DHRSX: variants seen among roughly 807,000 people sequenced by gnomAD.
DHRSX encodes the protein dehydrogenase/reductase X-linked.
Under a neutral mutation model 34.0 loss-of-function variants are expected in DHRSX, and 31 were observed. That is an observed-to-expected ratio of 0.91 (90% CI 0.69 to 1.23). DHRSX has a LOEUF of 1.23. Among genes scored for constraint, DHRSX ranks in the 50% most tolerant of loss-of-function variants. The pLI is 0.00. For synonymous variants in DHRSX, 201 were observed against 183.8 expected (o/e 1.09, Z -0.76); for missense variants, 414 against 428.1 (o/e 0.97, Z 0.29).
intron 3 of DHRSX, among the ~76,000 whole-genome samples, chrX:2,355,250 A>C (rs1166811970): frequency 6.6e-6 from 1 of 152,178 alleles, no homozygotes; most frequent in Non-Finnish European, 1.5e-5. Flanking sequence ...AATGGCTCGC[A>C]CCTGGAATCC....
chrX:2,318,542 C>T (rs73187629), intron 3 of DHRSX, among the ~76,000 whole-genome samples: 22 of 152,030 alleles, frequency 1.4e-4, no homozygotes, highest in African/African-American at 4.8e-4. Context: ...GTTCATTATA[C>T]GCTAACTCTA....
chrX:2,411,516 C>G (rs2043628144), intron 2 of DHRSX, among the ~76,000 whole-genome samples: 1 of 147,624 alleles, frequency 6.8e-6, no homozygotes, highest in Non-Finnish European at 1.5e-5. Context: ...GATCACACCA[C>G]TGCACTCCAG....
chrX:2,282,639 G>GGAGA (rs1249774009), intron 4 of DHRSX, among the ~76,000 whole-genome samples: 1 of 109,934 alleles, frequency 9.1e-6, no homozygotes, highest in Non-Finnish European at 2.2e-5. Context: ...GAAGGGAAAG[G>GGAGA]GAGGGAGAGA....
At chrX:2,331,297 C>A (rs1443706403) in intron 3 of DHRSX, among the ~76,000 whole-genome samples, 1 of 152,026 alleles carries the variant, frequency 6.6e-6, no homozygotes, top group Admixed American at 6.6e-5. Flanking sequence ...AAGTCTTGAA[C>A]CCCCTCAATG....
intron 3 of DHRSX, among the ~76,000 whole-genome samples, chrX:2,339,343 TG>T (rs2042611672): frequency 1.3e-5 from 2 of 151,956 alleles, no homozygotes; most frequent in Admixed American, 1.3e-4. Context: ...TTCACCATGT[TG>T]GCCAGGCTGG....
chrX:2,236,914 T>C (rs1280988020), intron 6 of DHRSX, among the ~76,000 whole-genome samples: 1 of 148,384 alleles, frequency 6.7e-6, no homozygotes. Flanking sequence ...GGGGGCTGGG[T>C]AGGGTGTCTC....
intron 3 of DHRSX, among the ~76,000 whole-genome samples, chrX:2,314,239 G>GA (rs2042201475): frequency 4.3e-5 from 1 of 23,396 alleles, no homozygotes; most frequent in Non-Finnish European, 1.0e-4. Flanking sequence ...GGGAGGGAGG[G>GA]AAGGAAGGGA....
At chrX:2,467,022 G>A (rs1171957144) in intron 1 of DHRSX, among the ~76,000 whole-genome samples, 4 of 145,912 alleles carry the variant, frequency 2.7e-5, no homozygotes, top group African/African-American at 1.0e-4. Context: ...CCGAGATCGC[G>A]CCATTGCACT....
At chrX:2,409,116 A>T (rs1192582238) in intron 2 of DHRSX, among the ~76,000 whole-genome samples, 1 of 152,210 alleles carries the variant, frequency 6.6e-6, no homozygotes, top group Non-Finnish European at 1.5e-5. Flanking sequence ...GAGAGCTGAG[A>T]ATAGCATAAG....
At chrX:2,324,695 A>G (rs2042355467) in intron 3 of DHRSX, among the ~76,000 whole-genome samples, 1 of 151,986 alleles carries the variant, frequency 6.6e-6, no homozygotes, top group African/African-American at 2.4e-5. Context: ...TCTGCCAGTG[A>G]TACAGGAGTT....
Position 2,433,206 on chromosome X carries a change from A to G in DHRSX, c.110-7902T>C, listed in dbSNP as rs752173083. Among the ~76,000 whole-genome samples, 4 of 152,322 alleles carry G rather than the reference A, an allele frequency of 2.6e-5. No homozygotes were observed. In the East Asian group the frequency reaches 7.7e-4, roughly 29 times the overall value. On this transcript the variant is annotated intron_variant, in intron 1 of 6. Coordinates refer to ENST00000334651, the MANE Select transcript of DHRSX (RefSeq NM_145177.3). ...AGCTGGAAGAAAATTTGCAACTTCCATCAGAAATATTAACAGCTATTTTTC... is the reference window on the plus strand; with the variant it reads ...AGCTGGAAGAAAATTTGCAACTTCCGTCAGAAATATTAACAGCTATTTTTC...
chrX:2,319,228 T>A (rs1175398618), intron 3 of DHRSX, among the ~76,000 whole-genome samples: 9 of 25,212 alleles, frequency 3.6e-4, no homozygotes, highest in African/African-American at 1.4e-3. Flanking sequence ...CCCCCCTCCC[T>A]TCTCCTCCTC....
chrX:2,328,059 G>A (rs112610177), intron 3 of DHRSX, among the ~76,000 whole-genome samples: 4,505 of 130,280 alleles, frequency 0.035, 238 homozygotes, highest in African/African-American at 0.12. Context: ...CAGCCTGGGC[G>A]ACAGAGCGAG....
chrX:2,232,739 A>T (rs1045294457), intron 6 of DHRSX, among the ~76,000 whole-genome samples: 1 of 151,706 alleles, frequency 6.6e-6, no homozygotes, highest in African/African-American at 2.4e-5. Flanking sequence ...CATCCAGCTA[A>T]TTTTTTGTAT....
chrX:2,412,826 G>T (rs2043648580), intron 2 of DHRSX, among the ~76,000 whole-genome samples: 1 of 152,118 alleles, frequency 6.6e-6, no homozygotes, highest in African/African-American at 2.4e-5. Flanking sequence ...AGTAAAATAA[G>T]CCACATAAAA....
intron 1 of DHRSX, among the ~76,000 whole-genome samples, chrX:2,441,716 C>G (rs1212652912): frequency 6.6e-6 from 1 of 152,104 alleles, no homozygotes; most frequent in Non-Finnish European, 1.5e-5. Flanking sequence ...CGGCTTCACT[C>G]AAAGTCTACT....
intron 3 of DHRSX, among the ~76,000 whole-genome samples, chrX:2,379,604 T>TTG (rs2043180890): frequency 6.7e-6 from 1 of 149,346 alleles, no homozygotes; most frequent in African/African-American, 2.5e-5. Flanking sequence ...GGTTTTTTTT[T>TTG]TTTTTTTTTT....
chrX:2,397,260 G>A (rs2043423563), intron 3 of DHRSX, among the ~76,000 whole-genome samples: 2 of 152,032 alleles, frequency 1.3e-5, no homozygotes, highest in African/African-American at 4.8e-5. Context: ...TCTGCCTCCC[G>A]AGTAGCTGGG....
intron 1 of DHRSX, among the ~76,000 whole-genome samples, chrX:2,468,105 G>A (rs6567551): frequency 9.2e-5 from 14 of 152,008 alleles, no homozygotes; most frequent in African/African-American, 3.4e-4. Flanking sequence ...AAGTCTACAC[G>A]AATATAAAGA....
Sources: gnomAD v4.1 joint callset for allele counts (sites outside exome capture counted in the v4.1 genomes callset) on GRCh38, gnomAD v4.1.1 for gene constraint, MANE v1.5 for transcripts, NCBI Gene and HGNC (gene_info 2026-07-23, HGNC 2026-07-21) for gene names.